The following USP16 variants were observed in gnomAD, a reference collection of about 807,000 sequenced individuals.
The protein encoded by USP16 is ubiquitin specific peptidase 16.
A neutral mutation model predicts 95.9 loss-of-function variants in USP16; 77 were observed. The ratio of observed to expected loss-of-function variants is 0.80; its 90% CI spans 0.67 to 0.97. The LOEUF (loss-of-function observed/expected upper bound fraction) is 0.97, where lower values mean the gene tolerates loss of function less well. Ranked by LOEUF, USP16 falls within the 50% of genes least tolerant of loss-of-function variation. USP16 has a pLI of 0.00. For missense variants in USP16, 943 were observed against 959.9 expected (o/e 0.98, Z 0.23); for synonymous variants, 303 against 318.2 (o/e 0.95, Z 0.51).
chr21:29,031,626 C>T (rs991882158), intron 3 of USP16, among the ~76,000 whole-genome samples: 1 of 152,120 alleles, frequency 6.6e-6, no homozygotes, highest in African/African-American at 2.4e-5. Context: ...TTAGTAGAGA[C>T]AGGGTTTTGC....
At chr21:29,045,927 T>A (rs2085315028) in intron 13 of USP16, among the ~76,000 whole-genome samples, 1 of 152,158 alleles carries the variant, frequency 6.6e-6, no homozygotes, top group Admixed American at 6.5e-5. Context: ...TGCCTCAGCC[T>A]CCCGAGTAGC....
chr21:29,051,374 C>CATATGTGGCAGTTT (rs2085411421), intron 16 of USP16, among the ~76,000 whole-genome samples: 1 of 152,136 alleles, frequency 6.6e-6, no homozygotes, highest in Non-Finnish European at 1.5e-5. Flanking sequence ...GAAATCAGTA[C>CATATGTGGCAGTTT]ATATGTGGCA....
intron 15 of USP16, among the ~76,000 whole-genome samples, chr21:29,049,202 T>G (rs913336990): frequency 6.6e-6 from 1 of 152,248 alleles, no homozygotes; most frequent in Non-Finnish European, 1.5e-5. Context: ...TGTGGCATCT[T>G]GTTTTTACGG....
chr21:29,030,388 C>T (rs2085060044), intron 2 of USP16, among the ~76,000 whole-genome samples: 2 of 152,184 alleles, frequency 1.3e-5, no homozygotes, highest in South Asian at 2.1e-4. Flanking sequence ...TTCAAGAAAG[C>T]GAAACTTCAC....
chr21:29,025,796 A>G (rs1361369447), intron 1 of USP16: 11 of 917,920 alleles, frequency 1.2e-5, no homozygotes, highest in Admixed American at 6.2e-5. Flanking sequence ...TTCTATTTCA[A>G]TGCAAGAAGT....
intron 2 of USP16, among the ~76,000 whole-genome samples, chr21:29,029,219 C>T (rs1482437520): frequency 6.6e-6 from 1 of 152,238 alleles, no homozygotes; most frequent in Non-Finnish European, 1.5e-5. Context: ...CGAGACCATC[C>T]TGGCTAACAC....
intron 3 of USP16, among the ~76,000 whole-genome samples, chr21:29,032,335 G>C (rs1323671675): frequency 3.3e-5 from 5 of 152,020 alleles, no homozygotes; most frequent in African/African-American, 4.8e-5. Context: ...AGGCTCAAGT[G>C]ATCCTCCCAC....
chr21:29,032,065 G>GGGA (rs1250213345), intron 3 of USP16, among the ~76,000 whole-genome samples: 1 of 152,108 alleles, frequency 6.6e-6, no homozygotes, highest in African/African-American at 2.4e-5. Context: ...GAACATCACA[G>GGGA]GGATCTCTTG....
At chr21:29,025,662 C>G (rs1349103449) in intron 1 of USP16, 1 of 764,052 alleles carries the variant, frequency 1.3e-6, no homozygotes, top group Non-Finnish European at 1.6e-6. Context: ...GTCTTCACTA[C>G]TGCAGACTTC....
intron 3 of USP16, among the ~76,000 whole-genome samples, chr21:29,031,036 T>A (rs2085069517): frequency 6.6e-6 from 1 of 152,194 alleles, no homozygotes; most frequent in Admixed American, 6.5e-5. Flanking sequence ...AATCCCACAG[T>A]GATCTCTTGC....
At chr21:29,025,707 A>G (rs1270037681) in intron 1 of USP16, 4 of 982,904 alleles carry the variant, frequency 4.1e-6, no homozygotes, top group Non-Finnish European at 4.8e-6. Context: ...CTTTTTCACC[A>G]GAACTTGTTT....
intron 4 of USP16, 142 bp from the exon 5 acceptor site, chr21:29,036,129 T>C (rs570263075): frequency 1.5e-6 from 1 of 657,732 alleles, no homozygotes; most frequent in African/African-American, 1.8e-5. Flanking sequence ...CATAGTCTTC[T>C]TCAGGAAAAC....
intron 16 of USP16, among the ~76,000 whole-genome samples, chr21:29,051,230 A>G (rs1428011439): frequency 2.0e-5 from 3 of 152,164 alleles, no homozygotes; most frequent in African/African-American, 7.2e-5. Flanking sequence ...AGAAAGGATA[A>G]TGACTTCAGT....
intron 14 of USP16, among the ~76,000 whole-genome samples, chr21:29,047,777 T>C (rs1365253610): frequency 6.7e-6 from 1 of 149,890 alleles, no homozygotes; most frequent in Non-Finnish European, 1.5e-5. Flanking sequence ...CCCCATTGCT[T>C]TTTTTTTTGA....
At chr21:29,035,460 G>A (rs1247107831) in intron 4 of USP16, among the ~76,000 whole-genome samples, 4 of 147,090 alleles carry the variant, frequency 2.7e-5, no homozygotes. Flanking sequence ...CACAACCTCC[G>A]CCTCCCAGGT....
At chr21:29,025,224 C>T (rs755015912) in intron 1 of USP16, among the ~76,000 whole-genome samples, 8 of 152,148 alleles carry the variant, frequency 5.3e-5, no homozygotes, top group Non-Finnish European at 1.0e-4. Flanking sequence ...TTGAAAGCCA[C>T]GTTAACACCT....
chr21:29,047,576 C>T (rs934395436), intron 14 of USP16, among the ~76,000 whole-genome samples: 1 of 152,134 alleles, frequency 6.6e-6, no homozygotes, highest in African/African-American at 2.4e-5. Flanking sequence ...CCTTGGAATG[C>T]AGTCACCACA....
Position 29,040,681 on chromosome 21 carries a change from G to A in USP16, c.1024G>A (p.Val342Ile). The change falls in exon 10 of 18, where the codon GTT becomes ATT. Residue 342 changes from valine to isoleucine, a missense_variant. Physicochemically the swap from Val to Ile is conservative, Grantham distance 29. Transcript: ENST00000399976. ...EKLDEELKNK[V>I]KDYEKKKSMP... Reference sequence around the variant, plus strand: ...GTTGGATGAAGAACTAAAAAATAAAGTTAAAGGTAATGTCTGACTTTTTGA... The same window carrying A: ...GTTGGATGAAGAACTAAAAAATAAAATTAAAGGTAATGTCTGACTTTTTGA... The A allele has an allele frequency of 1.3e-6, 2 of 1,525,464 alleles. No homozygotes were observed. Among genetic ancestry groups the A allele is most frequent in the African/African-American group, 2.8e-5 (2 of 72,398 alleles). 94.5% of individuals were successfully genotyped at this position (1,525,464 alleles called of 1,614,324 possible).
chr21:29,029,721 A>G (rs1391975892), intron 2 of USP16, among the ~76,000 whole-genome samples: 1 of 152,182 alleles, frequency 6.6e-6, no homozygotes, highest in East Asian at 1.9e-4. Context: ...GGGAGACAGC[A>G]TGCACTTTCA....
Sources: gnomAD v4.1 joint callset for allele counts (sites outside exome capture counted in the v4.1 genomes callset) on GRCh38, gnomAD v4.1.1 for gene constraint, MANE v1.5 for transcripts, NCBI Gene and HGNC (gene_info 2026-07-23, HGNC 2026-07-21) for gene names.